RIMBP2: variants seen among roughly 807,000 people sequenced by gnomAD.
The protein encoded by RIMBP2 is RIMS-binding protein 2.
Under a neutral mutation model 118.6 loss-of-function variants are expected in RIMBP2, and 48 were observed. The observed-to-expected ratio is 0.40, with a 90% CI of 0.32 to 0.51. The LOEUF (loss-of-function observed/expected upper bound fraction) is 0.51. RIMBP2 is among the 20% of genes least tolerant of loss of function. The pLI is 0.41. For synonymous variants in RIMBP2, 762 were observed against 742.9 expected, an observed-to-expected ratio of 1.03 and a Z score of -0.42; for missense variants, 1,551 against 1,768.3, an observed-to-expected ratio of 0.88 and a Z score of 2.20.
Position 130,450,193 on chromosome 12 carries a change from C to T in RIMBP2, c.581+7G>A. 1 of 1,598,190 alleles carries T rather than the reference C, an allele frequency of 6.3e-7. No homozygotes were observed. Among genetic ancestry groups the T allele is most frequent in the Non-Finnish European group, 8.5e-7 (1 of 1,170,052 alleles). The stretch of plus-strand genomic sequence containing the variant: ...GGGCTCGGTGGACGCCGAGGGGCCG[C>T]ACTTACCTATAGCGGGCAACACAGA... On this transcript the variant is annotated splice_region_variant and intron_variant, in intron 9 of 22. Coordinates refer to ENST00000690449, the MANE Select transcript of RIMBP2 (RefSeq NM_001393629.1). The surrounding 1 kb of genome is among the most constrained non-coding windows in gnomAD (Gnocchi z 4.8).
At chr12:130,461,423 G>C (rs1234409554) in intron 6 of RIMBP2, among the ~76,000 whole-genome samples, 1 of 152,182 alleles carries the variant, frequency 6.6e-6, no homozygotes, top group Non-Finnish European at 1.5e-5. Flanking sequence ...AGGGGCCGGT[G>C]CCTCGGCCCG....
chr12:130,521,402 G>A (rs1394906336), intron 2 of RIMBP2, among the ~76,000 whole-genome samples: 2 of 152,192 alleles, frequency 1.3e-5, no homozygotes, highest in Admixed American at 1.3e-4. Flanking sequence ...AGCCGTGACA[G>A]TTCCCAGGAG....
At chr12:130,517,597 G>C (rs981698723) in intron 3 of RIMBP2, among the ~76,000 whole-genome samples, 15 of 151,964 alleles carry the variant, frequency 9.9e-5, no homozygotes, top group Non-Finnish European at 1.9e-4. Flanking sequence ...TAAAGATACA[G>C]GTGCCTAATA....
intron 1 of RIMBP2, among the ~76,000 whole-genome samples, chr12:130,641,874 T>C (rs548773658): frequency 1.3e-5 from 2 of 152,192 alleles, no homozygotes; most frequent in South Asian, 2.1e-4. Flanking sequence ...CAATGACAGC[T>C]CGCCAGGGCC....
At chr12:130,649,482 GCCA>G (rs936634845) in intron 1 of RIMBP2, among the ~76,000 whole-genome samples, 2 of 152,202 alleles carry the variant, frequency 1.3e-5, no homozygotes, top group African/African-American at 4.8e-5. Context: ...AAGCCACGTG[GCCA>G]CCCAGACCCA....
intron 14 of RIMBP2, chr12:130,430,700 G>C (rs1238548445): frequency 7.4e-6 from 1 of 135,132 alleles, no homozygotes; most frequent in African/African-American, 2.8e-5. Flanking sequence ...TCACCATCTC[G>C]GTTCACTGCA....
At chr12:130,583,246 G>A (rs2058592186) in intron 2 of RIMBP2, among the ~76,000 whole-genome samples, 1 of 152,128 alleles carries the variant, frequency 6.6e-6, no homozygotes, top group Admixed American at 6.5e-5. Context: ...AGCTTCATCT[G>A]TGAAGGAGGG....
In RIMBP2 at chr12:130,703,973, G is replaced by A. The variant is rs2065980807; in HGVS notation, c.-352+12249C>T. On this transcript the variant is annotated intron_variant, in intron 1 of 22. Transcript: ENST00000690449. This position sits in a 1 kb window ranked among gnomAD's most constrained non-coding sequence, Gnocchi z 5.7. ...CACACCACCTTCCTGCTACTTTAGG[G>A]ACATCAGCAAAGTCTCCCTTAAATA... 6.6e-6 allele frequency among the ~76,000 whole-genome samples: 1 copy of A among 152,116 alleles called. No individual in the cohort carries two copies. Among genetic ancestry groups the A allele is most frequent in the African/African-American group, 2.4e-5 (1 of 41,422 alleles).
At chr12:130,613,307 C>T (rs932785681) in intron 2 of RIMBP2, among the ~76,000 whole-genome samples, 4 of 152,206 alleles carry the variant, frequency 2.6e-5, no homozygotes, top group African/African-American at 9.6e-5. Context: ...GGCCAGTGGG[C>T]AACCCACAGA....
chr12:130,597,614 G>A (rs77700033), intron 2 of RIMBP2, among the ~76,000 whole-genome samples: 16 of 152,270 alleles, frequency 1.1e-4, no homozygotes, highest in African/African-American at 2.4e-4. Flanking sequence ...AAAATCAATC[G>A]ATGTCATTCA....
chr12:130,677,097 T>G (rs2136508304), intron 1 of RIMBP2, among the ~76,000 whole-genome samples: 1 of 152,230 alleles, frequency 6.6e-6, no homozygotes, highest in East Asian at 1.9e-4. Context: ...GGACAGCAGG[T>G]GATGCCTGGA....
In RIMBP2 at chr12:130,622,397, C is replaced by T. The variant is rs1366524141; in HGVS notation, c.-217+5925G>A. 6.6e-6 allele frequency among the ~76,000 whole-genome samples: 1 copy of T among 152,134 alleles called. No homozygotes were observed. Among genetic ancestry groups the T allele is most frequent in the African/African-American group, 2.4e-5 (1 of 41,436 alleles). On this transcript the variant is annotated intron_variant, in intron 2 of 22. Transcript: ENST00000690449. This position sits in a 1 kb window ranked among gnomAD's most constrained non-coding sequence, Gnocchi z 8.5. ...TTGAAAAAGGAAACTACATATAACA[C>T]AAAACTGTTGGTTAATTCACTAGTT...
rs1852814844 is a variant in RIMBP2, at chr12:130,475,588, T to C, written c.102+3324A>G. Reference sequence around the variant, plus strand: ...GGAGGGGCATTTCCAGGACCTGGACTGAAGGAAGAGGCCAGGGGCTCCAGG... The same window carrying C: ...GGAGGGGCATTTCCAGGACCTGGACCGAAGGAAGAGGCCAGGGGCTCCAGG... On this transcript the variant is annotated intron_variant, in intron 5 of 22. Coordinates refer to ENST00000690449, the MANE Select transcript of RIMBP2 (RefSeq NM_001393629.1). The surrounding 1 kb of genome is among the most constrained non-coding windows in gnomAD (Gnocchi z 4.1). 6.6e-6 allele frequency among the ~76,000 whole-genome samples: 1 copy of C among 152,012 alleles called. No individual in the cohort carries two copies. Among genetic ancestry groups the C allele is most frequent in the Non-Finnish European group, 1.5e-5 (1 of 67,998 alleles).
rs2082388403 is a variant in RIMBP2 at position 130,485,387 on chromosome 12, T to C, written c.-3-6371A>G. Reference sequence around the variant, plus strand: ...AGCTGGAACATGGCCGATGAGAATGTCAGAACTCACAGCCAGTCTGCTCCC... The same window carrying C: ...AGCTGGAACATGGCCGATGAGAATGCCAGAACTCACAGCCAGTCTGCTCCC... On this transcript the variant is annotated intron_variant, in intron 4 of 22. Coordinates refer to ENST00000690449, the MANE Select transcript of RIMBP2 (RefSeq NM_001393629.1). 2.6e-5 allele frequency among the ~76,000 whole-genome samples: 4 copies of C among 152,182 alleles called. No individual in the cohort carries two copies. The East Asian group carries it at 7.7e-4, about 29-fold the overall frequency.
intron 2 of RIMBP2, among the ~76,000 whole-genome samples, chr12:130,626,957 C>T (rs908118269): frequency 1.1e-4 from 16 of 151,790 alleles, no homozygotes; most frequent in East Asian, 1.9e-4. Context: ...ATTATCACCA[C>T]GACTACCGCC....
intron 2 of RIMBP2, among the ~76,000 whole-genome samples, chr12:130,610,550 G>GTTTT (rs2060464137): frequency 1.0e-5 from 1 of 96,104 alleles, no homozygotes; most frequent in African/African-American, 3.9e-5. Flanking sequence ...TAATTTTCCT[G>GTTTT]CTTTTTTTTT....
At chr12:130,405,321 T>A (rs994761648) in intron 21 of RIMBP2, among the ~76,000 whole-genome samples, 7 of 152,154 alleles carry the variant, frequency 4.6e-5, no homozygotes, top group Non-Finnish European at 2.9e-5. Context: ...GGAGAGAGCC[T>A]GGGAATCCTA....
In RIMBP2 at chr12:130,456,513, G is replaced by T. The variant is rs1017096188; in HGVS notation, c.341C>A (p.Ala114Asp). The T allele has an allele frequency of 2.5e-6, 4 of 1,597,166 alleles. No individual in the cohort carries two copies. Among genetic ancestry groups the T allele is most frequent in the South Asian group, 1.1e-5 (1 of 89,842 alleles). The change falls in exon 7 of 23, where the codon GCC (alanine) becomes GAC (aspartate). Residue 114 changes from alanine (A) to aspartate (D), a missense_variant. Physicochemically the swap from Ala to Asp is moderately radical, Grantham distance 126. Transcript: ENST00000690449. ...GCGCTTACCTTTGCCGAGGGAGGTG[G>T]CTAGGCCATTCATGAACTGTGGGAA... is the stretch of plus-strand genomic sequence containing the variant. ...KPFPQFMNGL[A>D]TSLGKGQESA...
At chr12:130,687,711 C>T (rs1188838980) in intron 1 of RIMBP2, among the ~76,000 whole-genome samples, 9 of 152,176 alleles carry the variant, frequency 5.9e-5, no homozygotes, top group African/African-American at 2.2e-4. Context: ...CTCCCATCAT[C>T]TGAAGCATAT....
Sources: allele counts gnomAD v4.1 joint callset (sites outside exome capture counted in the v4.1 genomes callset), GRCh38; gene constraint gnomAD v4.1.1; non-coding constraint Gnocchi (gnomAD v3.1); transcripts MANE v1.5; gene names NCBI Gene and HGNC (gene_info 2026-07-23, HGNC 2026-07-21).